The following CTBP2 variants were observed in gnomAD, a reference collection of about 807,000 sequenced individuals.
The protein encoded by CTBP2 is C-terminal binding protein 2.
Under a neutral mutation model 80.3 loss-of-function variants are expected in CTBP2, and 30 were observed. The observed-to-expected ratio is 0.37, with a 90% confidence interval of 0.28 to 0.51. The LOEUF is 0.51. Ranked by LOEUF, CTBP2 falls within the 20% of genes least tolerant of loss-of-function variation. The pLI is 0.93. For synonymous variants in CTBP2, 594 were observed against 587.4 expected (o/e 1.01, Z -0.16); for missense variants, 1,212 against 1,375.3 (o/e 0.88, Z 1.88).
rs554535578 is a variant in CTBP2, at chr10:125,117,684, C to G, written c.-205-6591G>C. Among the ~76,000 whole-genome samples, 48 of 152,348 alleles carry G rather than the reference C, an allele frequency of 3.2e-4. 1 individual carries two copies. The highest frequency in any genetic ancestry group is 1.1e-3 in the African/African-American group (46 of 41,584). On this transcript the variant is annotated intron_variant, in intron 1 of 10. Coordinates refer to the CTBP2 transcript ENST00000337195. ...ACAGGGTGTACCCGAGAGGTTGTCA[C>G]TTTAGCATTGCTGGATTATTCCTTC...
intron 2 of CTBP2, among the ~76,000 whole-genome samples, chr10:125,070,454 G>C (rs1845297204): frequency 6.6e-6 from 1 of 152,070 alleles, no homozygotes; most frequent in Non-Finnish European, 1.5e-5. Context: ...AGCTTTGGGA[G>C]GCTGAGCCGG....
chr10:125,020,823 A>G (rs1369569143), intron 1 of CTBP2, among the ~76,000 whole-genome samples: 2 of 151,978 alleles, frequency 1.3e-5, no homozygotes, highest in South Asian at 4.2e-4. Context: ...TCACCCACCC[A>G]CCAGTGTGGA....
At chr10:125,086,643 T>C (rs866995065) in intron 2 of CTBP2, among the ~76,000 whole-genome samples, 2 of 139,420 alleles carry the variant, frequency 1.4e-5, no homozygotes, top group Middle Eastern at 3.9e-3. Context: ...AAAAGGAAGA[T>C]CTCATTTGAC....
chr10:125,041,505 C>A (rs985545624), intron 2 of CTBP2, among the ~76,000 whole-genome samples: 10 of 6,048 alleles, frequency 1.7e-3, no homozygotes, highest in African/African-American at 3.3e-3. Flanking sequence ...TCCATCCCCA[C>A]CCCCCCCCCC....
intron 1 of CTBP2, among the ~76,000 whole-genome samples, chr10:125,012,213 T>C (rs1956004780): frequency 6.6e-6 from 1 of 152,198 alleles, no homozygotes. Flanking sequence ...GGGTGGTCCC[T>C]GGGCTCCGGG....
intron 2 of CTBP2, among the ~76,000 whole-genome samples, chr10:125,046,954 A>C (rs1484091631): frequency 6.6e-6 from 1 of 152,224 alleles, no homozygotes; most frequent in Non-Finnish European, 1.5e-5. Context: ...CAAGAACAGA[A>C]GACTTGAGCA....
intron 3 of CTBP2, among the ~76,000 whole-genome samples, chr10:125,033,601 G>C (rs74163317): frequency 0.097 from 14,712 of 152,258 alleles, 804 homozygotes; most frequent in South Asian, 0.2. Flanking sequence ...CTCCGCATTC[G>C]TGCGGGCTGC....
intron 1 of CTBP2, among the ~76,000 whole-genome samples, chr10:125,112,386 T>C (rs1348849651): frequency 6.8e-6 from 1 of 146,272 alleles, no homozygotes; most frequent in African/African-American, 2.5e-5. Flanking sequence ...GTGCTGGGAT[T>C]ACAGGCGTGA....
At chr10:125,018,633 G>T (rs1268195489) in intron 1 of CTBP2, among the ~76,000 whole-genome samples, 1 of 152,156 alleles carries the variant, frequency 6.6e-6, no homozygotes, top group Non-Finnish European at 1.5e-5. Context: ...CTCAGTCAGG[G>T]CCCTAGATTC....
At chr10:125,124,990 G>A (rs898603967) in intron 1 of CTBP2, among the ~76,000 whole-genome samples, 1 of 152,126 alleles carries the variant, frequency 6.6e-6, no homozygotes, top group African/African-American at 2.4e-5. Context: ...ATGTACAGAC[G>A]CACGGCACTC....
chr10:125,123,933 C>A (rs1187768583), intron 1 of CTBP2, among the ~76,000 whole-genome samples: 1 of 152,228 alleles, frequency 6.6e-6, no homozygotes, highest in Non-Finnish European at 1.5e-5. Flanking sequence ...AACCAGCCCC[C>A]GGGGCAGCTC....
chr10:125,098,724 C>CAGAG lies in CTBP2; in HGVS notation c.-102+12262_-102+12265dup, dbSNP rs1564914318. Among the ~76,000 whole-genome samples, 101 of 75,684 alleles carry CAGAG rather than the reference C, an allele frequency of 1.3e-3. 1 individual carries two copies. The highest frequency in any genetic ancestry group is 4.1e-3 in the African/African-American group (63 of 15,552). The allele number at this position is 75,684 out of a possible 152,430, so 49.7% of individuals were successfully genotyped here. On this transcript the variant is annotated intron_variant, in intron 2 of 10. Transcript: ENST00000337195. ...AGAGAGAGACAGAGAGAGAGAGAGA[C>CAGAG]AGAGAGAGAGAGAGAGAGAGAGAGA...
At chr10:125,152,410 GAGTC>G (rs1353036621) in intron 1 of CTBP2, among the ~76,000 whole-genome samples, 1 of 152,228 alleles carries the variant, frequency 6.6e-6, no homozygotes, top group Non-Finnish European at 1.5e-5. Flanking sequence ...AGTCGTCCTG[GAGTC>G]AGTCTGAGCG....
At chr10:125,041,506 C>CG (rs1564782161) in intron 2 of CTBP2, among the ~76,000 whole-genome samples, 1 of 10,898 alleles carries the variant, frequency 9.2e-5, no homozygotes, top group Non-Finnish European at 1.4e-4. Context: ...CCATCCCCAC[C>CG]CCCCCCCCCC....
upstream of CTBP2, among the ~76,000 whole-genome samples, chr10:125,029,245 G>GTTT (rs34949118): frequency 2.5e-4 from 35 of 137,798 alleles, no homozygotes; most frequent in African/African-American, 3.0e-4. Flanking sequence ...TTGAGACACA[G>GTTT]TTTTTTTTTT....
chr10:125,046,813 TC>T (rs561112778), intron 2 of CTBP2, among the ~76,000 whole-genome samples: 3 of 152,178 alleles, frequency 2.0e-5, no homozygotes, highest in Admixed American at 6.5e-5. Flanking sequence ...AACCAGGCTT[TC>T]CCTTGGCCAA....
At chr10:125,082,161 C>A (rs60686205) in intron 2 of CTBP2, among the ~76,000 whole-genome samples, 19,465 of 152,252 alleles carry the variant, frequency 0.13, 1,766 homozygotes, top group African/African-American at 0.25. Flanking sequence ...CACGCCGGAG[C>A]TGGGGGCTGC....
intron 1 of CTBP2, among the ~76,000 whole-genome samples, chr10:125,011,277 A>T (rs1955865044): frequency 6.6e-6 from 1 of 152,212 alleles, no homozygotes; most frequent in South Asian, 2.1e-4. Flanking sequence ...CCACAGGAAC[A>T]CCCTGATAAA....
At chr10:125,122,129 A>G (rs1257772364) in intron 1 of CTBP2, among the ~76,000 whole-genome samples, 1 of 152,232 alleles carries the variant, frequency 6.6e-6, no homozygotes. Flanking sequence ...CCTAAAGGAC[A>G]TAGAAATATT....
Sources: allele counts gnomAD v4.1 joint callset (sites outside exome capture counted in the v4.1 genomes callset), GRCh38; gene constraint gnomAD v4.1.1; transcripts MANE v1.5; gene names NCBI Gene and HGNC (gene_info 2026-07-23, HGNC 2026-07-21).